Variants in E2F1 observed in about 807,000 individuals in gnomAD.
The protein encoded by E2F1 is E2F transcription factor 1.
E2F1 carries 7 observed loss-of-function variants against 36.9 expected under a neutral mutation model. That is an observed-to-expected ratio of 0.19 (90% CI 0.11 to 0.36). E2F1 has a LOEUF of 0.36. E2F1 is among the 10% of genes least tolerant of loss of function. E2F1 has a pLI of 1.00. For missense variants in E2F1, 406 were observed against 573.6 expected (o/e 0.71, Z 2.99); for synonymous variants, 261 against 263.1 (o/e 0.99, Z 0.08).
In E2F1 at chr20:33,680,452, A is replaced by C. The variant is rs773019633; in HGVS notation, c.262-36T>G. On this transcript the variant is annotated intron_variant, in intron 1 of 6. Coordinates refer to ENST00000343380, the MANE Select transcript of E2F1 (RefSeq NM_005225.3). ...AACGGGAGGATGCCCAGTAACCAGGAGTGAGGCCAGAAGAGACCTGGCTTA... is the reference window on the plus strand; with the variant it reads ...AACGGGAGGATGCCCAGTAACCAGGCGTGAGGCCAGAAGAGACCTGGCTTA... 1.0e-5 allele frequency: 16 copies of C among 1,599,476 alleles called. No homozygotes were observed. In the Admixed American group the frequency reaches 2.5e-4, roughly 25 times the overall value.
chr20:33,686,034 A>G lies in E2F1; in HGVS notation c.231T>C (p.Ser77=). Residue 77 remains serine (S), a synonymous_variant, in exon 1 of 7, where the codon AGT becomes AGC. Coordinates refer to ENST00000343380, the MANE Select transcript of E2F1 (RefSeq NM_005225.3). ...ATPQAPRPTP[S]APRPALGRPP... is the part of the protein sequence containing the mutation. ...GGCGGCCGAGCGCGGGCCGCGGCGC[A>G]CTGGGTGTGGGCCGGGGCGCCTGCG... The G allele has an allele frequency of 8.8e-7, 1 of 1,133,184 alleles. No individual in the cohort carries two copies. Among genetic ancestry groups the G allele is most frequent in the South Asian group, 4.3e-5 (1 of 23,386 alleles). The allele number at this position is 1,133,184 out of a possible 1,614,324, so 70.2% of individuals were successfully genotyped here. A position where few individuals can be genotyped will look rare whatever the true frequency, so the allele number is the denominator to read the frequency against.
In E2F1 at chr20:33,677,200, G is replaced by C. The variant is rs1437203114; in HGVS notation, c.971C>G (p.Ala324Gly). Residue 324 changes from alanine (A) to glycine (G), a missense_variant, in exon 6 of 7, where the codon GCC becomes GGC. By Grantham distance (60) the Ala-to-Gly change is moderately conservative (BLOSUM62 0). Transcript: ENST00000343380. ...TGACACTATGGTGGCAGAGTCAGTG[G>C]CCCTGTTCTCCTCCTCAGAAGTGAC... ...QEVTSEEENR[A>G]TDSATIVSPP... The C allele has an allele frequency of 6.2e-7, 1 of 1,614,026 alleles. No homozygotes were observed. The highest frequency in any genetic ancestry group is 8.5e-7 in the Non-Finnish European group (1 of 1,180,016).
chr20:33,680,452 A>G, intron 1 of E2F1, 36 bp from the exon 2 acceptor site: 1 of 1,599,594 alleles, frequency 6.3e-7, no homozygotes. Flanking sequence ...AGTAACCAGG[A>G]GTGAGGCCAG....
At chr20:33,681,035 G>A (rs898836825) in intron 1 of E2F1, among the ~76,000 whole-genome samples, 1 of 152,140 alleles carries the variant, frequency 6.6e-6, no homozygotes, top group Non-Finnish European at 1.5e-5. Context: ...GTTGTTTTAA[G>A]GCACTATTTT....
chr20:33,685,663 G>GT (rs971630477), intron 1 of E2F1, among the ~76,000 whole-genome samples: 16 of 152,194 alleles, frequency 1.1e-4, no homozygotes, highest in African/African-American at 3.9e-4. Flanking sequence ...CAGCGGGGTT[G>GT]TGAGTTTTAG....
In E2F1 at chr20:33,686,136, G is replaced by C. The variant is rs1011962033; in HGVS notation, c.129C>G (p.Ser43Arg). 1 of 1,060,818 alleles carries C rather than the reference G, an allele frequency of 9.4e-7. No individual in the cohort carries two copies. Among genetic ancestry groups the C allele is most frequent in the African/African-American group, 1.7e-5 (1 of 58,368 alleles). The allele number at this position is 1,060,818 out of a possible 1,614,324, so 65.7% of individuals were successfully genotyped here. Reference protein sequence around the residue: ...IVIISAAQDASAPPAPTGPAA... With the variant: ...IVIISAAQDARAPPAPTGPAA... ...CGGGGCCGGTGGGAGCCGGCGGGGCGCTGGCGTCCTGCGCGGCGGAGATGA... is the reference window on the plus strand; with the variant it reads ...CGGGGCCGGTGGGAGCCGGCGGGGCCCTGGCGTCCTGCGCGGCGGAGATGA... Residue 43 changes from serine (S) to arginine (R), a missense_variant, in exon 1 of 7, where the codon AGC becomes AGG. By Grantham distance (110) the Ser-to-Arg change is moderately radical (BLOSUM62 -1). Coordinates refer to ENST00000343380, the MANE Select transcript of E2F1 (RefSeq NM_005225.3).
intron 5 of E2F1, 32 bp downstream of exon 5, chr20:33,677,394 G>A: frequency 6.2e-7 from 1 of 1,611,838 alleles, no homozygotes; most frequent in Non-Finnish European, 8.5e-7. Context: ...GCCCAGCCCA[G>A]CCCAGTTGGG....
chr20:33,676,519 T>G lies in E2F1; in HGVS notation c.*213A>C. ...TACACACGTGTGGGTGTAGGCTGCATGCACATACACACCACACAGACTCCT... is the reference window on the plus strand; with the variant it reads ...TACACACGTGTGGGTGTAGGCTGCAGGCACATACACACCACACAGACTCCT... On this transcript the variant is annotated 3_prime_UTR_variant, in exon 7 of 7. Transcript: ENST00000343380. The G allele has an allele frequency of 1.6e-6, 1 of 613,862 alleles. No individual in the cohort carries two copies. The highest frequency in any genetic ancestry group is 2.7e-6 in the Non-Finnish European group (1 of 371,430). 38.0% of individuals were successfully genotyped at this position (613,862 alleles called of 1,614,324 possible).
intron 2 of E2F1, 90 bp from the exon 3 acceptor site, chr20:33,680,064 G>T: frequency 8.7e-7 from 1 of 1,152,848 alleles, no homozygotes; most frequent in Non-Finnish European, 1.3e-6. Flanking sequence ...CAGGGCAGCA[G>T]GATGATGGGG....
At chr20:33,684,046 C>T (rs1445645060) in intron 1 of E2F1, among the ~76,000 whole-genome samples, 1 of 152,204 alleles carries the variant, frequency 6.6e-6, no homozygotes, top group Non-Finnish European at 1.5e-5. Context: ...CCTCCTGGCC[C>T]TTAAGTACAC....
chr20:33,677,640 C>T, intron 4 of E2F1, 100 bp from the exon 5 acceptor site: 1 of 839,392 alleles, frequency 1.2e-6, no homozygotes, highest in South Asian at 1.6e-5. Context: ...CACTCCTGTC[C>T]TCCCAACCTC....
chr20:33,678,369 A>AG lies in E2F1; in HGVS notation c.573-17dup. On this transcript the variant is annotated splice_polypyrimidine_tract_variant and intron_variant, in intron 3 of 6. Coordinates refer to ENST00000343380, the MANE Select transcript of E2F1 (RefSeq NM_005225.3). ...GTGGCTGCCCCTGTGGGGAGGCACC[A>AG]GGGAGGGTAGGGTTAACAGCGATTG... 1 of 1,611,254 alleles carries AG rather than the reference A, an allele frequency of 6.2e-7. No homozygotes were observed. Among genetic ancestry groups the AG allele is most frequent in the Non-Finnish European group, 8.5e-7 (1 of 1,179,686 alleles).
At position 33,676,564 on chromosome 20, in the gene E2F1, GCCT is replaced by G. The variant is rs2017959572; in HGVS notation, c.*165_*167del. The G allele has an allele frequency of 2.9e-6, 3 of 1,024,048 alleles. No homozygotes were observed. The highest frequency in any genetic ancestry group is 6.4e-5 in the Admixed American group (2 of 31,082). 63.4% of individuals were successfully genotyped at this position (1,024,048 alleles called of 1,614,324 possible). A position where few individuals can be genotyped will look rare whatever the true frequency, so the allele number is the denominator to read the frequency against. On this transcript the variant is annotated 3_prime_UTR_variant, in exon 7 of 7. Transcript: ENST00000343380. ...ACTCCTTCCCTTCCTGGCTTGCTCA[GCCT>G]CCTAGCGGTAGCCAGACCCCAGAGC... is the stretch of plus-strand genomic sequence containing the variant.
Position 33,676,722 on chromosome 20 carries a change from C to T in E2F1, c.*10G>A. ...AGCATCTCTGGAAACCCTGGTCCCT[C>T]CAAGCCCTGTCAGAAATCCAGGGGG... is the stretch of plus-strand genomic sequence containing the variant. On this transcript the variant is annotated 3_prime_UTR_variant, in exon 7 of 7. Coordinates refer to ENST00000343380, the MANE Select transcript of E2F1 (RefSeq NM_005225.3). 5 of 1,603,554 alleles carry T rather than the reference C, an allele frequency of 3.1e-6. No individual in the cohort carries two copies. Among genetic ancestry groups the T allele is most frequent in the South Asian group, 2.2e-5 (2 of 89,090 alleles).
chr20:33,678,066 G>A, intron 4 of E2F1, 135 bp downstream of exon 4: 1 of 1,006,956 alleles, frequency 9.9e-7, no homozygotes, highest in Non-Finnish European at 1.4e-6. Flanking sequence ...TGTCACAACA[G>A]TGAGAAAATG....
At position 33,679,192 on chromosome 20, in the gene E2F1, C is replaced by T. The variant is rs1441585150; in HGVS notation, c.572+563G>A. Reference sequence around the variant, plus strand: ...CTGGAAAGGGGCACAAGAGAACCTTCTAGGGTGTTGAAAATGCTCTTATCT... The same window carrying T: ...CTGGAAAGGGGCACAAGAGAACCTTTTAGGGTGTTGAAAATGCTCTTATCT... On this transcript the variant is annotated intron_variant, in intron 3 of 6. Transcript: ENST00000343380. This position sits in a 1 kb window ranked among gnomAD's most constrained non-coding sequence, Gnocchi z 4.6. Among the ~76,000 whole-genome samples, 1 of 152,222 alleles carries T rather than the reference C, an allele frequency of 6.6e-6. No homozygotes were observed. Among genetic ancestry groups the T allele is most frequent in the African/African-American group, 2.4e-5 (1 of 41,460 alleles).
intron 4 of E2F1, among the ~76,000 whole-genome samples, chr20:33,677,878 T>C (rs1401638939): frequency 6.6e-6 from 1 of 152,178 alleles, no homozygotes; most frequent in African/African-American, 2.4e-5. Flanking sequence ...CACTGCAGCC[T>C]CAAACTCCTG....
intron 1 of E2F1, among the ~76,000 whole-genome samples, chr20:33,680,847 C>A (rs968720473): frequency 2.0e-5 from 3 of 152,116 alleles, no homozygotes; most frequent in Non-Finnish European, 4.4e-5. Context: ...CATATGGGCA[C>A]TCAAGTAGCC....
In E2F1 at chr20:33,678,253, T is replaced by G; in HGVS notation, c.673A>C (p.Asn225His). The change falls in exon 4 of 7, where the codon AAT becomes CAT. Residue 225 changes from asparagine (N) to histidine (H), a missense_variant. By Grantham distance (68) the Asn-to-His change is moderately conservative. This residue lies in a region of E2F1 where 93 missense variants were observed against 143.3 expected (regional missense o/e 0.65). Transcript: ENST00000343380. ...AGGCGCAGCTGCGTAGTACAGATATTCATCAGGTGGTCCAGCTGCTGCTCG... is the reference window on the plus strand; with the variant it reads ...AGGCGCAGCTGCGTAGTACAGATATGCATCAGGTGGTCCAGCTGCTGCTCG... ...ESEQQLDHLM[N>H]ICTTQLRLLS... is the part of the protein sequence containing the mutation. 1 of 1,613,764 alleles carries G rather than the reference T, an allele frequency of 6.2e-7. No individual in the cohort carries two copies. Among genetic ancestry groups the G allele is most frequent in the African/African-American group, 1.3e-5 (1 of 75,054 alleles).
Sources: gnomAD v4.1 joint callset for allele counts (sites outside exome capture counted in the v4.1 genomes callset) on GRCh38, gnomAD v4.1.1 for gene constraint, gnomAD v4.1.1 regional missense constraint, Gnocchi (gnomAD v3.1) non-coding constraint, MANE v1.5 for transcripts, NCBI Gene and HGNC (gene_info 2026-07-23, HGNC 2026-07-21) for gene names.